Variants in DOCK1 observed in about 807,000 individuals in gnomAD.
The protein encoded by DOCK1 is dedicator of cytokinesis protein 1.
DOCK1 carries 138 observed loss-of-function variants against 262.7 expected under a neutral mutation model. That is an observed-to-expected ratio of 0.53 (90% CI 0.46 to 0.61). DOCK1 has a LOEUF of 0.61. Ranked by LOEUF, DOCK1 falls within the 20% of genes least tolerant of loss-of-function variation. The probability of loss-of-function intolerance (pLI) is 0.00; values close to 1 mark genes in which losing one functional copy is unlikely to be tolerated. For missense variants in DOCK1, 1,908 were observed against 2,370.7 expected (o/e 0.80, Z 4.05); for synonymous variants, 866 against 867.4 (o/e 1.00, Z 0.03).
At chr10:127,336,748 C>A (rs1368797592) in intron 29 of DOCK1, among the ~76,000 whole-genome samples, 1 of 152,080 alleles carries the variant, frequency 6.6e-6, no homozygotes, top group South Asian at 2.1e-4. Context: ...ACTGTGTTAG[C>A]CAGGATGGTC....
chr10:127,354,803 G>A (rs1411018007), intron 32 of DOCK1, 76 bp downstream of exon 32: 1 of 1,558,576 alleles, frequency 6.4e-7, no homozygotes, highest in African/African-American at 1.4e-5. Flanking sequence ...GTGTTCATCA[G>A]TGTTGGGATG....
At chr10:127,142,495 G>C (rs2051361220) in intron 27 of DOCK1, among the ~76,000 whole-genome samples, 1 of 152,176 alleles carries the variant, frequency 6.6e-6, no homozygotes, top group African/African-American at 2.4e-5. Flanking sequence ...AAAAAGTCCT[G>C]ATTCTTGAGA....
At chr10:127,186,960 A>G (rs1395788548) in intron 27 of DOCK1, among the ~76,000 whole-genome samples, 1 of 152,190 alleles carries the variant, frequency 6.6e-6, no homozygotes, top group African/African-American at 2.4e-5. Context: ...AATCAGGCAC[A>G]TAGAGTTTTG....
At chr10:126,989,072 C>CAAAA (rs5788816) in intron 5 of DOCK1, among the ~76,000 whole-genome samples, 49 of 129,056 alleles carry the variant, frequency 3.8e-4, no homozygotes, top group South Asian at 2.0e-3. Context: ...GACCCCTTCT[C>CAAAA]AAAAAAAAAA....
At chr10:127,158,648 A>G (rs2053308062) in intron 27 of DOCK1, among the ~76,000 whole-genome samples, 1 of 152,204 alleles carries the variant, frequency 6.6e-6, no homozygotes, top group Non-Finnish European at 1.5e-5. Context: ...AAGAATTCCA[A>G]CTGAGTGTGG....
intron 23 of DOCK1, among the ~76,000 whole-genome samples, chr10:127,095,288 A>G (rs1041469443): frequency 6.6e-5 from 10 of 152,136 alleles, no homozygotes; most frequent in African/African-American, 2.4e-4. Flanking sequence ...CTGTAGCCCT[A>G]TCCTGATGCC....
chr10:127,275,591 C>G (rs371572305), intron 29 of DOCK1, among the ~76,000 whole-genome samples: 4 of 151,878 alleles, frequency 2.6e-5, no homozygotes. Context: ...TGGAGATGAG[C>G]GGATGATGGG....
intron 23 of DOCK1, among the ~76,000 whole-genome samples, chr10:127,081,137 A>G (rs1176837084): frequency 1.3e-5 from 2 of 152,140 alleles, no homozygotes; most frequent in Admixed American, 6.6e-5. Flanking sequence ...TTCTTAGATG[A>G]GCAGTTATCA....
At chr10:126,984,780 A>G (rs986011766) in intron 4 of DOCK1, among the ~76,000 whole-genome samples, 3 of 152,130 alleles carry the variant, frequency 2.0e-5, no homozygotes, top group Non-Finnish European at 4.4e-5. Flanking sequence ...CTATGTGTGC[A>G]TTACCTTACA....
intron 31 of DOCK1, among the ~76,000 whole-genome samples, chr10:127,347,211 C>A (rs1236064898): frequency 1.3e-5 from 2 of 152,242 alleles, no homozygotes; most frequent in African/African-American, 4.8e-5. Context: ...TTAAAATTGT[C>A]CGCATAAAAG....
rs1183132935 is a variant in DOCK1, at chr10:127,322,193, T to TCC, written c.3045-16813_3045-16812insCC. On this transcript the variant is annotated intron_variant, in intron 29 of 51. Transcript: ENST00000623213. ...ACATAATTTTATAATTTCCCTTTTT[T>TCC]TTTTTTTTTTCCTGGAGACAGAGTC... 7.8e-3 allele frequency among the ~76,000 whole-genome samples: 1,162 copies of TCC among 148,894 alleles called. 18 individuals are homozygous for TCC. The highest frequency in any genetic ancestry group is 0.027 in the African/African-American group (1,095 of 40,420).
intron 1 of DOCK1, among the ~76,000 whole-genome samples, chr10:126,968,050 A>AGCCTCCC (rs1565014650): frequency 6.6e-6 from 1 of 152,096 alleles, no homozygotes; most frequent in African/African-American, 2.4e-5. Context: ...TCCTGGCCTC[A>AGCCTCCC]AGTGATCTGC....
At chr10:127,045,193 G>A (rs1361680098) in intron 21 of DOCK1, among the ~76,000 whole-genome samples, 1 of 93,360 alleles carries the variant, frequency 1.1e-5, no homozygotes, top group African/African-American at 4.4e-5. Context: ...TCAAGACTCT[G>A]TCTCAATAAA....
chr10:127,068,220 TATG>T (rs1231562550), intron 23 of DOCK1, among the ~76,000 whole-genome samples: 1 of 152,204 alleles, frequency 6.6e-6, no homozygotes, highest in African/African-American at 2.4e-5. Context: ...AATTCTTCCT[TATG>T]AGGAGTTTTT....
At chr10:127,321,338 T>G (rs1590433342) in intron 29 of DOCK1, among the ~76,000 whole-genome samples, 2 of 118,744 alleles carry the variant, frequency 1.7e-5, no homozygotes, top group Middle Eastern at 4.3e-3. Flanking sequence ...TCCTCTATCC[T>G]CCCTTCTCTC....
intron 22 of DOCK1, among the ~76,000 whole-genome samples, chr10:127,055,961 G>A (rs951453662): frequency 5.3e-5 from 8 of 152,204 alleles, no homozygotes; most frequent in Non-Finnish European, 8.8e-5. Flanking sequence ...GTCCTGGTAT[G>A]GACCCAGCAG....
At chr10:127,326,950 T>G (rs1209021855) in intron 29 of DOCK1, among the ~76,000 whole-genome samples, 2 of 152,204 alleles carry the variant, frequency 1.3e-5, no homozygotes, top group Non-Finnish European at 2.9e-5. Context: ...CAGTAATATT[T>G]TTGAAAGGCA....
intron 21 of DOCK1, 151 bp from the exon 22 acceptor site, chr10:127,052,530 A>C (rs1023929572): frequency 1.7e-6 from 2 of 1,171,944 alleles, no homozygotes; most frequent in Non-Finnish European, 2.3e-6. Flanking sequence ...TCAAACAAAA[A>C]AAAAAAAAAA....
chr10:127,103,121 C>T (rs531916755), intron 23 of DOCK1, among the ~76,000 whole-genome samples: 24 of 152,298 alleles, frequency 1.6e-4, no homozygotes, highest in African/African-American at 5.8e-4. Flanking sequence ...TTCTAGGTAA[C>T]AGTGGTTGGT....
Sources: allele counts gnomAD v4.1 joint callset (sites outside exome capture counted in the v4.1 genomes callset), GRCh38; gene constraint gnomAD v4.1.1; transcripts MANE v1.5; gene names NCBI Gene and HGNC (gene_info 2026-07-23, HGNC 2026-07-21).